The following ZNF423 variants were observed in gnomAD, a reference collection of about 807,000 sequenced individuals.
ZNF423 encodes Ebf-associated zinc finger protein.
ZNF423 carries 12 observed loss-of-function variants against 95.8 expected under a neutral mutation model. The ratio of observed to expected loss-of-function variants is 0.13; its 90% CI spans 0.08 to 0.20. The LOEUF is 0.20. Ranked by LOEUF, ZNF423 falls within the 10% of genes least tolerant of loss-of-function variation. The pLI, the probability that ZNF423 is intolerant of heterozygous loss-of-function variation, is 1.00. For synonymous variants in ZNF423, 749 were observed against 711.9 expected (o/e 1.05, Z -0.83); for missense variants, 1,316 against 1,737.1 (o/e 0.76, Z 4.31).
At chr16:49,858,723 C>G (rs1567375415), upstream of ZNF423, among the ~76,000 whole-genome samples, 1 of 137,136 alleles carries the variant, frequency 7.3e-6, no homozygotes, top group Admixed American at 7.0e-5. This position sits in a 1 kb window ranked among gnomAD's most constrained non-coding sequence, Gnocchi z 4.3. Flanking sequence ...AGGAGCCCCC[C>G]CCCCCACGCC....
intron 5 of ZNF423, among the ~76,000 whole-genome samples, chr16:49,561,678 C>G (rs942991403): frequency 5.9e-5 from 9 of 152,198 alleles, no homozygotes; most frequent in African/African-American, 2.2e-4. Flanking sequence ...GTATTTTCTT[C>G]CAGCCCCAGA....
intron 5 of ZNF423, among the ~76,000 whole-genome samples, chr16:49,584,023 A>G (rs1289482592): frequency 6.6e-6 from 1 of 152,250 alleles, no homozygotes; most frequent in Non-Finnish European, 1.5e-5. Flanking sequence ...ATAAGCTCTG[A>G]TAACCACAAA....
At chr16:49,583,561 T>C (rs1970736597) in intron 5 of ZNF423, among the ~76,000 whole-genome samples, 2 of 152,228 alleles carry the variant, frequency 1.3e-5, no homozygotes, top group Admixed American at 1.3e-4. Flanking sequence ...GAAGTACTAA[T>C]GACTATGCAT....
At chr16:49,651,394 T>TG (rs1313183349) in intron 3 of ZNF423, among the ~76,000 whole-genome samples, 1 of 152,122 alleles carries the variant, frequency 6.6e-6, no homozygotes, top group Admixed American at 6.6e-5. Flanking sequence ...ATGTGGAAGA[T>TG]GGAGCTCAGC....
At chr16:49,574,830 C>T (rs1007565540) in intron 5 of ZNF423, among the ~76,000 whole-genome samples, 1 of 152,224 alleles carries the variant, frequency 6.6e-6, no homozygotes, top group East Asian at 1.9e-4. Context: ...GCCCTCAGAA[C>T]AGCTGTGGGC....
chr16:49,828,817 A>G (rs545735718), intron 1 of ZNF423, among the ~76,000 whole-genome samples: 1 of 152,354 alleles, frequency 6.6e-6, no homozygotes, highest in South Asian at 2.1e-4. Flanking sequence ...AGAGGTCTGG[A>G]GACCCAGGGA....
chr16:49,780,941 G>A (rs1426466379), intron 2 of ZNF423, among the ~76,000 whole-genome samples: 2 of 152,262 alleles, frequency 1.3e-5, no homozygotes, highest in African/African-American at 2.4e-5. Context: ...GAGGGCTCAA[G>A]CACAAAAGGT....
At chr16:49,670,710 A>C (rs1449703628) in intron 3 of ZNF423, among the ~76,000 whole-genome samples, 4 of 152,200 alleles carry the variant, frequency 2.6e-5, no homozygotes, top group Admixed American at 2.6e-4. Flanking sequence ...ACCCAAGCAA[A>C]ACAGCACGCT....
intron 1 of ZNF423, among the ~76,000 whole-genome samples, chr16:49,835,859 C>G (rs2035113433): frequency 6.6e-6 from 1 of 152,124 alleles, no homozygotes; most frequent in Non-Finnish European, 1.5e-5. Flanking sequence ...AAACGGGGCC[C>G]AGGAGGGGCA....
intron 2 of ZNF423, among the ~76,000 whole-genome samples, chr16:49,733,491 G>A (rs566928680): frequency 2.0e-5 from 3 of 152,170 alleles, no homozygotes; most frequent in Non-Finnish European, 2.9e-5. Flanking sequence ...CTGTTGACTC[G>A]GGAGTAGATA....
At chr16:49,682,066 A>AC (rs1240232933) in intron 3 of ZNF423, among the ~76,000 whole-genome samples, 16 of 134,828 alleles carry the variant, frequency 1.2e-4, no homozygotes, top group African/African-American at 4.0e-4. Flanking sequence ...TCCTCTAATT[A>AC]CCCCCCAGTC....
intron 7 of ZNF423, among the ~76,000 whole-genome samples, chr16:49,513,888 T>C (rs368865355): frequency 8.1e-4 from 123 of 151,974 alleles, no homozygotes; most frequent in African/African-American, 2.8e-3. Context: ...GAAAGGGTAC[T>C]TCCTGCAGGC....
chr16:49,837,283 T>C (rs2035130830), intron 1 of ZNF423, among the ~76,000 whole-genome samples: 1 of 152,034 alleles, frequency 6.6e-6, no homozygotes, highest in African/African-American at 2.4e-5. Flanking sequence ...CTGCTACACG[T>C]GGCTGTGTGA....
intron 5 of ZNF423, among the ~76,000 whole-genome samples, chr16:49,582,799 GAA>G (rs1203895232): frequency 6.6e-6 from 1 of 152,072 alleles, no homozygotes; most frequent in Non-Finnish European, 1.5e-5. Flanking sequence ...CTATGTTGAT[GAA>G]AAAAACACTT....
At chr16:49,577,082 A>G in intron 5 of ZNF423, among the ~76,000 whole-genome samples, 1 of 152,138 alleles carries the variant, frequency 6.6e-6, no homozygotes, top group East Asian at 1.9e-4. Flanking sequence ...TGAGGCAGTA[A>G]GGTTGGGTGT....
chr16:49,563,740 A>G (rs908927371), intron 5 of ZNF423, among the ~76,000 whole-genome samples: 2 of 151,620 alleles, frequency 1.3e-5, no homozygotes, highest in African/African-American at 4.9e-5. Flanking sequence ...CCTCTCCCTC[A>G]CCCCCTGAGA....
chr16:49,577,060 C>T (rs1425736780), intron 5 of ZNF423, among the ~76,000 whole-genome samples: 1 of 152,082 alleles, frequency 6.6e-6, no homozygotes, highest in East Asian at 1.9e-4. Context: ...TAAAGACAAC[C>T]CGGGCAGACA....
At chr16:49,594,722 G>A (rs1971128029) in intron 5 of ZNF423, among the ~76,000 whole-genome samples, 2 of 152,090 alleles carry the variant, frequency 1.3e-5, no homozygotes, top group Non-Finnish European at 2.9e-5. Flanking sequence ...CAGAAGACTC[G>A]AAACAAACTC....
At chr16:49,808,988 G>A (rs1485405669) in intron 1 of ZNF423, among the ~76,000 whole-genome samples, 1 of 152,196 alleles carries the variant, frequency 6.6e-6, no homozygotes, top group Middle Eastern at 3.2e-3. Context: ...CCCCTGGCAG[G>A]AGGCACGTCC....
Sources: gnomAD v4.1 joint callset for allele counts (sites outside exome capture counted in the v4.1 genomes callset) on GRCh38, gnomAD v4.1.1 for gene constraint, Gnocchi (gnomAD v3.1) non-coding constraint, MANE v1.5 for transcripts, NCBI Gene and HGNC (gene_info 2026-07-23, HGNC 2026-07-21) for gene names.